Variants in AKAP6 observed in about 807,000 individuals in gnomAD.
AKAP6 encodes the protein A-kinase anchoring protein 6.
Under a neutral mutation model 188.5 loss-of-function variants are expected in AKAP6, and 58 were observed. The ratio of observed to expected loss-of-function variants is 0.31; its 90% confidence interval spans 0.25 to 0.38. The LOEUF is 0.38. Ranked by LOEUF, AKAP6 falls within the 10% of genes least tolerant of loss-of-function variation. The pLI is 1.00. For synonymous variants in AKAP6, 989 were observed against 998.6 expected, an observed-to-expected ratio of 0.99 and a Z score of 0.18; for missense variants, 2,710 against 2,740.0, an observed-to-expected ratio of 0.99 and a Z score of 0.24.
At chr14:32,470,609 A>C (rs979754697) in intron 2 of AKAP6, among the ~76,000 whole-genome samples, 19 of 152,340 alleles carry the variant, frequency 1.2e-4, no homozygotes, top group East Asian at 3.9e-4. Context: ...GAAAACTGCC[A>C]GCTCTGAAAT....
intron 4 of AKAP6, among the ~76,000 whole-genome samples, chr14:32,563,260 C>T (rs11845395): frequency 0.031 from 4,644 of 152,248 alleles, 219 homozygotes; most frequent in African/African-American, 0.11. Context: ...AACCATGTCT[C>T]AGCTTATCAC....
chr14:32,790,606 A>AT (rs1394800258), intron 12 of AKAP6, among the ~76,000 whole-genome samples: 2 of 151,938 alleles, frequency 1.3e-5, no homozygotes, highest in Non-Finnish European at 2.9e-5. Context: ...TTCTTAATTA[A>AT]TTTATTTATT....
At chr14:32,428,458 G>T (rs1389923017) in intron 1 of AKAP6, among the ~76,000 whole-genome samples, 1 of 152,058 alleles carries the variant, frequency 6.6e-6, no homozygotes, top group East Asian at 1.9e-4. Flanking sequence ...GCATGGTGCA[G>T]CCCCGACACT....
rs3033323 is a variant in AKAP6, at chr14:32,817,491, TTGTGTG to T, written c.3589-3885_3589-3880del. On this transcript the variant is annotated intron_variant, in intron 12 of 13. Coordinates refer to ENST00000280979, the MANE Select transcript of AKAP6 (RefSeq NM_004274.5). ...TGTGTGTGTGTGTGTGTGTCTGTGT[TTGTGTG>T]TGTGTGTGTGTGTGTGTGTGTGTGT... is the stretch of plus-strand genomic sequence containing the variant. Among the ~76,000 whole-genome samples the T allele has an allele frequency of 8.6e-3, 1,247 of 145,352 alleles. 13 individuals carry two copies. The highest frequency in any genetic ancestry group is 0.027 in the African/African-American group (1,065 of 39,436).
chr14:32,521,395 T>C (rs530043584), intron 2 of AKAP6, among the ~76,000 whole-genome samples: 59 of 152,282 alleles, frequency 3.9e-4, no homozygotes, highest in Non-Finnish European at 7.5e-4. Context: ...GGAAGTCAAA[T>C]TGTCCCTGTT....
intron 1 of AKAP6, among the ~76,000 whole-genome samples, chr14:32,355,872 T>C (rs1887466401): frequency 6.6e-6 from 1 of 152,088 alleles, no homozygotes; most frequent in African/African-American, 2.4e-5. Flanking sequence ...ACTCCTGGAC[T>C]CAAGTGATCC....
intron 5 of AKAP6, among the ~76,000 whole-genome samples, chr14:32,593,347 G>A (rs1041238747): frequency 1.3e-5 from 2 of 152,158 alleles, no homozygotes; most frequent in Non-Finnish European, 2.9e-5. Flanking sequence ...CAGTGCTTCT[G>A]ATTTCCAACC....
intron 1 of AKAP6, among the ~76,000 whole-genome samples, chr14:32,409,851 T>C (rs1889424569): frequency 6.6e-6 from 1 of 152,180 alleles, no homozygotes; most frequent in African/African-American, 2.4e-5. Flanking sequence ...CTCACTTCTC[T>C]TGATTATGTA....
At chr14:32,410,470 A>G (rs1304858443) in intron 1 of AKAP6, among the ~76,000 whole-genome samples, 1 of 152,082 alleles carries the variant, frequency 6.6e-6, no homozygotes, top group Non-Finnish European at 1.5e-5. Context: ...TTGATGTCTC[A>G]TGTCTCCCCA....
At chr14:32,515,219 T>C (rs1017557449) in intron 2 of AKAP6, among the ~76,000 whole-genome samples, 1 of 152,062 alleles carries the variant, frequency 6.6e-6, no homozygotes, top group East Asian at 1.9e-4. Context: ...TATAAAACCA[T>C]CAGATCTCAT....
chr14:32,759,543 T>C (rs912557610), intron 11 of AKAP6, among the ~76,000 whole-genome samples: 4 of 152,208 alleles, frequency 2.6e-5, no homozygotes, highest in Admixed American at 2.0e-4. Flanking sequence ...CTTGCATTGC[T>C]ATAAAGAGAT....
chr14:32,828,565 ACACACACT>A (rs1594994452), intron 13 of AKAP6, among the ~76,000 whole-genome samples: 3 of 130,856 alleles, frequency 2.3e-5, no homozygotes, highest in African/African-American at 8.4e-5. Flanking sequence ...ACACACACAC[ACACACACT>A]CTCACACCCC....
chr14:32,467,936 A>G (rs1472240551), intron 2 of AKAP6, among the ~76,000 whole-genome samples: 1 of 151,842 alleles, frequency 6.6e-6, no homozygotes. Flanking sequence ...CCCTTCTTCT[A>G]TATTCCCTTT....
chr14:32,548,759 C>T (rs1883320827), intron 4 of AKAP6, among the ~76,000 whole-genome samples: 2 of 152,152 alleles, frequency 1.3e-5, no homozygotes, highest in Admixed American at 6.5e-5. Context: ...TCTATAGTAT[C>T]ATGTTGCCTC....
At chr14:32,629,695 G>A (rs1198273660) in intron 7 of AKAP6, among the ~76,000 whole-genome samples, 2 of 135,986 alleles carry the variant, frequency 1.5e-5, no homozygotes, top group East Asian at 4.6e-4. Flanking sequence ...TTTTTTTTTG[G>A]TCAGGAAGCC....
intron 9 of AKAP6, among the ~76,000 whole-genome samples, chr14:32,706,732 A>T (rs1035615055): frequency 9.2e-5 from 14 of 152,140 alleles, no homozygotes; most frequent in Non-Finnish European, 1.5e-5. Context: ...CTAATGAGGC[A>T]CACTGGGGTA....
At chr14:32,395,558 T>C (rs893749454) in intron 1 of AKAP6, among the ~76,000 whole-genome samples, 2 of 152,116 alleles carry the variant, frequency 1.3e-5, no homozygotes, top group Non-Finnish European at 2.9e-5. Context: ...GTTACATGAG[T>C]CAATAAATGT....
At chr14:32,452,010 CATTTTTTT>C (rs1890953365) in intron 2 of AKAP6, among the ~76,000 whole-genome samples, 3 of 95,768 alleles carry the variant, frequency 3.1e-5, no homozygotes, top group African/African-American at 1.3e-4. Flanking sequence ...CTTTTCTTTA[CATTTTTTT>C]TTTTTTTTTT....
At chr14:32,624,369 G>T (rs1057127730) in intron 7 of AKAP6, among the ~76,000 whole-genome samples, 2 of 152,078 alleles carry the variant, frequency 1.3e-5, no homozygotes, top group East Asian at 1.9e-4. Context: ...TAACAGAAAA[G>T]AAATGAAAAA....
Sources: gnomAD v4.1 joint callset for allele counts (sites outside exome capture counted in the v4.1 genomes callset) on GRCh38, gnomAD v4.1.1 for gene constraint, MANE v1.5 for transcripts, NCBI Gene and HGNC (gene_info 2026-07-23, HGNC 2026-07-21) for gene names.